GLIPR1L2: variants seen among roughly 807,000 people sequenced by gnomAD.
GLIPR1L2 encodes GLIPR1-like protein 2.
A neutral mutation model predicts 28.4 loss-of-function variants in GLIPR1L2; 21 were observed. The observed-to-expected ratio is 0.74, with a 90% confidence interval of 0.52 to 1.06. GLIPR1L2 has a LOEUF of 1.06. Among genes scored for constraint, GLIPR1L2 ranks in the 50% least tolerant of loss-of-function variants. GLIPR1L2 has a pLI of 0.00. For missense variants in GLIPR1L2, 476 were observed against 416.9 expected, an observed-to-expected ratio of 1.14 and a Z score of -1.23; for synonymous variants, 145 against 139.3, an observed-to-expected ratio of 1.04 and a Z score of -0.29.
In GLIPR1L2 at chr12:75,431,963, G is replaced by T. The variant is rs1176348802; in HGVS notation, c.*802G>T. On this transcript the variant is annotated 3_prime_UTR_variant, in exon 6 of 6. Transcript: ENST00000550916. ...CTTACCACTAGTAATACTAATAAAT[G>T]AACTAAATAAAAATACCTAGCATAG... 1 of 151,912 alleles carries T rather than the reference G, an allele frequency of 6.6e-6. No homozygotes were observed. Among genetic ancestry groups the T allele is most frequent in the African/African-American group, 2.4e-5 (1 of 41,370 alleles). 9.4% of individuals were successfully genotyped at this position (151,912 alleles called of 1,614,324 possible).
Position 75,391,264 on chromosome 12 carries a change from G to A in GLIPR1L2, c.148G>A (p.Asp50Asn). Residue 50 changes from aspartate to asparagine, a missense_variant, in exon 1 of 6, where the codon GAC becomes AAC. By Grantham distance (23) the Asp-to-Asn change is conservative (BLOSUM62 1). Coordinates refer to ENST00000550916, the MANE Select transcript of GLIPR1L2 (RefSeq NM_001270396.2). ...CGCCAGATTTTTGCCAGACGAGGAG[G>A]ACGTAGACTTTATCAACGAGTACGT... ...LNARFLPDEEDVDFINEYVNL... is the reference protein window; with the variant it reads ...LNARFLPDEENVDFINEYVNL... 1.2e-6 allele frequency: 2 copies of A among 1,614,216 alleles called. No individual in the cohort carries two copies. The highest frequency in any genetic ancestry group is 1.7e-6 in the Non-Finnish European group (2 of 1,180,022).
chr12:75,402,158 T>C (rs776105663), intron 1 of GLIPR1L2, among the ~76,000 whole-genome samples: 1 of 152,178 alleles, frequency 6.6e-6, no homozygotes, highest in Non-Finnish European at 1.5e-5. Flanking sequence ...TAATATTAGG[T>C]ATCTAGATGA....
intron 1 of GLIPR1L2, chr12:75,391,604 G>C (rs1283391184): frequency 8.1e-7 from 1 of 1,227,848 alleles, no homozygotes; most frequent in African/African-American, 1.5e-5. Context: ...CAGATTTTAA[G>C]GGGGCGCCAA....
chr12:75,406,789 AAGAG>A (rs932075687), intron 1 of GLIPR1L2, among the ~76,000 whole-genome samples: 6 of 147,896 alleles, frequency 4.1e-5, no homozygotes, highest in East Asian at 2.0e-4. Context: ...GAGAGAGAGA[AAGAG>A]AGAGAGAGAT....
At chr12:75,400,285 A>AT (rs561097574) in intron 1 of GLIPR1L2, among the ~76,000 whole-genome samples, 84 of 150,706 alleles carry the variant, frequency 5.6e-4, no homozygotes, top group Non-Finnish European at 8.6e-4. Context: ...CGCCCGGCTA[A>AT]TTTTTTTTTG....
At chr12:75,414,549 A>C (rs577578079) in intron 3 of GLIPR1L2, among the ~76,000 whole-genome samples, 3 of 152,066 alleles carry the variant, frequency 2.0e-5, no homozygotes, top group Non-Finnish European at 4.4e-5. Context: ...CTGTGCATCA[A>C]ATTAAACTCA....
intron 4 of GLIPR1L2, among the ~76,000 whole-genome samples, chr12:75,424,680 C>A (rs998937607): frequency 2.0e-5 from 3 of 151,678 alleles, no homozygotes; most frequent in African/African-American, 7.3e-5. Flanking sequence ...AAACTCCTGG[C>A]CTCAAGTGAT....
At position 75,431,237 on chromosome 12, in the gene GLIPR1L2, A is replaced by C. The variant is rs1203586538; in HGVS notation, c.*76A>C. The C allele has an allele frequency of 6.7e-6, 4 of 596,188 alleles. No homozygotes were observed. The highest frequency in any genetic ancestry group is 1.9e-5 in the African/African-American group (1 of 53,866). 36.9% of individuals were successfully genotyped at this position (596,188 alleles called of 1,614,324 possible). ...AATACAAAAAAAGACAGAAAAAAAA[A>C]AAAAGTAAAACACTGAGTTTTAACA... On this transcript the variant is annotated 3_prime_UTR_variant, in exon 6 of 6. Coordinates refer to ENST00000550916, the MANE Select transcript of GLIPR1L2 (RefSeq NM_001270396.2).
chr12:75,393,166 G>T (rs186819264), intron 1 of GLIPR1L2, among the ~76,000 whole-genome samples: 18 of 151,964 alleles, frequency 1.2e-4, no homozygotes, highest in Middle Eastern at 6.8e-3. Context: ...TGCTATTGCC[G>T]TGTAGTACTT....
At chr12:75,423,085 T>C in intron 4 of GLIPR1L2, 96 bp downstream of exon 4, 1 of 1,595,998 alleles carries the variant, frequency 6.3e-7, no homozygotes, top group South Asian at 1.1e-5. Flanking sequence ...ATGTTAATAT[T>C]ATTCCTTTGA....
intron 1 of GLIPR1L2, chr12:75,391,680 T>A: frequency 1.9e-6 from 1 of 525,386 alleles, no homozygotes; most frequent in Non-Finnish European, 3.2e-6. Context: ...AAAATATCAA[T>A]ATCAAGGGTA....
At chr12:75,422,349 G>A (rs2045985625) in intron 3 of GLIPR1L2, among the ~76,000 whole-genome samples, 1 of 150,448 alleles carries the variant, frequency 6.6e-6, no homozygotes, top group African/African-American at 2.5e-5. Flanking sequence ...TGTTGCCCAG[G>A]CTGGAGTGCA....
chr12:75,414,606 A>T (rs1216374277), intron 3 of GLIPR1L2, among the ~76,000 whole-genome samples: 3 of 152,100 alleles, frequency 2.0e-5, no homozygotes, highest in East Asian at 3.9e-4. Flanking sequence ...GAATATAGAC[A>T]TGCAAAATAA....
intron 1 of GLIPR1L2, among the ~76,000 whole-genome samples, chr12:75,405,654 AG>A (rs2045790261): frequency 6.6e-6 from 1 of 152,002 alleles, no homozygotes; most frequent in Admixed American, 6.6e-5. Flanking sequence ...TCAGTTTGCC[AG>A]TTTGCCAGCA....
intron 3 of GLIPR1L2, among the ~76,000 whole-genome samples, chr12:75,417,781 A>G (rs1174317733): frequency 7.7e-6 from 1 of 130,528 alleles, no homozygotes; most frequent in African/African-American, 2.7e-5. Context: ...AAAAACTGAA[A>G]CTATATTACA....
intron 3 of GLIPR1L2, among the ~76,000 whole-genome samples, chr12:75,417,046 CT>C (rs796556577): frequency 3.0e-4 from 45 of 152,210 alleles, no homozygotes; most frequent in African/African-American, 7.9e-4. Context: ...GGTGCCCCCC[CT>C]ACCAACGTTA....
chr12:75,392,298 C>A (rs907883932), intron 1 of GLIPR1L2, among the ~76,000 whole-genome samples: 2 of 152,136 alleles, frequency 1.3e-5, no homozygotes, highest in Non-Finnish European at 2.9e-5. Context: ...TTAGCAAATA[C>A]CAGCTGTTCT....
chr12:75,414,661 C>A (rs1194345917), intron 3 of GLIPR1L2, among the ~76,000 whole-genome samples: 1 of 152,066 alleles, frequency 6.6e-6, no homozygotes, highest in Non-Finnish European at 1.5e-5. Context: ...TCCTTTCACT[C>A]CTACAGACTG....
intron 4 of GLIPR1L2, among the ~76,000 whole-genome samples, chr12:75,428,167 A>T (rs572713982): frequency 1.3e-4 from 20 of 152,342 alleles, no homozygotes; most frequent in African/African-American, 4.8e-4. Flanking sequence ...CAAAATGCTG[A>T]TAGTGATATG....
Sources: gnomAD v4.1 joint callset for allele counts (sites outside exome capture counted in the v4.1 genomes callset) on GRCh38, gnomAD v4.1.1 for gene constraint, MANE v1.5 for transcripts, NCBI Gene and HGNC (gene_info 2026-07-23, HGNC 2026-07-21) for gene names.